EPHA6: variants seen among roughly 807,000 people sequenced by gnomAD.
EPHA6 encodes ephrin type-A receptor 6.
Under a neutral mutation model 112.0 loss-of-function variants are expected in EPHA6, and 50 were observed. That is an observed-to-expected ratio of 0.45 (90% CI 0.36 to 0.56). The LOEUF is 0.56. Ranked by LOEUF, EPHA6 falls within the 20% of genes least tolerant of loss-of-function variation. The pLI is 0.00. For synonymous variants in EPHA6, 529 were observed against 490.7 expected (o/e 1.08, Z -1.03); for missense variants, 1,280 against 1,417.4 (o/e 0.90, Z 1.56).
intron 5 of EPHA6, among the ~76,000 whole-genome samples, chr3:97,333,694 G>T (rs573891716): frequency 6.6e-6 from 1 of 151,678 alleles, no homozygotes. Context: ...GCTTAGGCTG[G>T]TCTTAAACTC....
intron 3 of EPHA6, among the ~76,000 whole-genome samples, chr3:97,219,459 C>T (rs915903546): frequency 6.6e-6 from 1 of 152,208 alleles, no homozygotes; most frequent in African/African-American, 2.4e-5. Context: ...GTCTTCTGTG[C>T]ACCTGAAGGC....
At chr3:96,838,913 TTAAC>T (rs1301176972) in intron 1 of EPHA6, among the ~76,000 whole-genome samples, 2 of 152,104 alleles carry the variant, frequency 1.3e-5, no homozygotes, top group Non-Finnish European at 2.9e-5. Context: ...GCTTTTCACT[TTAAC>T]TAGTGGTCAT....
rs1363599206 is a variant in EPHA6 at position 97,386,168 on chromosome 3, G to A, written c.1607-18982G>A. 2.0e-5 allele frequency among the ~76,000 whole-genome samples: 3 copies of A among 152,114 alleles called. No individual in the cohort carries two copies. The East Asian group carries it at 5.8e-4, about 29-fold the overall frequency. ...GACAAAGTAGCTCCCTTCCACCTATGAGCCTGAGAAATAAAAAAAGTCTTA... is the reference window on the plus strand; with the variant it reads ...GACAAAGTAGCTCCCTTCCACCTATAAGCCTGAGAAATAAAAAAAGTCTTA... On this transcript the variant is annotated intron_variant, in intron 5 of 17. Coordinates refer to ENST00000389672, the MANE Select transcript of EPHA6 (RefSeq NM_001080448.3).
At chr3:97,190,036 AC>A (rs1429430553) in intron 3 of EPHA6, among the ~76,000 whole-genome samples, 1 of 152,052 alleles carries the variant, frequency 6.6e-6, no homozygotes, top group Admixed American at 6.6e-5. Flanking sequence ...CTGACTCAGC[AC>A]TATCTATAAG....
At chr3:96,827,626 A>G (rs755285671) in intron 1 of EPHA6, among the ~76,000 whole-genome samples, 2 of 152,164 alleles carry the variant, frequency 1.3e-5, no homozygotes, top group Non-Finnish European at 2.9e-5. Context: ...TTATGAATTT[A>G]AATTCAAGAC....
At chr3:97,043,746 T>G (rs2045401739) in intron 3 of EPHA6, among the ~76,000 whole-genome samples, 1 of 152,168 alleles carries the variant, frequency 6.6e-6, no homozygotes, top group Non-Finnish European at 1.5e-5. Context: ...CCAAAATATT[T>G]ATTTTAAGAT....
intron 6 of EPHA6, among the ~76,000 whole-genome samples, chr3:97,425,389 C>A (rs1197593766): frequency 6.6e-6 from 1 of 152,256 alleles, no homozygotes; most frequent in African/African-American, 2.4e-5. Flanking sequence ...TGTGCACCTG[C>A]AGGCTCAACA....
intron 2 of EPHA6, among the ~76,000 whole-genome samples, chr3:96,946,498 A>G (rs527364725): frequency 2.0e-5 from 3 of 152,314 alleles, no homozygotes; most frequent in Admixed American, 2.0e-4. Flanking sequence ...TACAAAGGAC[A>G]TGAACTCATC....
chr3:96,886,435 T>G (rs2037629179), intron 2 of EPHA6, among the ~76,000 whole-genome samples: 1 of 152,210 alleles, frequency 6.6e-6, no homozygotes, highest in Non-Finnish European at 1.5e-5. Context: ...AATGTCCCTC[T>G]TTGTCTCTTT....
chr3:97,120,859 G>A (rs563033611), intron 3 of EPHA6, among the ~76,000 whole-genome samples: 3 of 151,812 alleles, frequency 2.0e-5, no homozygotes, highest in South Asian at 4.2e-4. Flanking sequence ...ATGTTATAGT[G>A]TAAATAAAAT....
At chr3:96,961,594 A>C (rs2041950619) in intron 2 of EPHA6, among the ~76,000 whole-genome samples, 2 of 152,166 alleles carry the variant, frequency 1.3e-5, no homozygotes, top group Admixed American at 6.5e-5. Context: ...TAGAAGAATA[A>C]CTTTCTCCAA....
rs563408749 is a variant in EPHA6, at chr3:97,251,860, G to A, written c.1606+7573G>A. The stretch of plus-strand genomic sequence containing the variant: ...GAGCCATAAAAGGTACTAAAATACA[G>A]TGCTCTTTCTTTCAGTGATTTTTCT... On this transcript the variant is annotated intron_variant, in intron 5 of 17. Transcript: ENST00000389672. Among the ~76,000 whole-genome samples, 4 of 152,272 alleles carry A rather than the reference G, an allele frequency of 2.6e-5. No individual in the cohort carries two copies. In the East Asian group the frequency reaches 7.7e-4, roughly 29 times the overall value.
At chr3:96,834,691 T>C (rs1182493643) in intron 1 of EPHA6, among the ~76,000 whole-genome samples, 1 of 152,006 alleles carries the variant, frequency 6.6e-6, no homozygotes, top group Non-Finnish European at 1.5e-5. Flanking sequence ...GTAAGGTACT[T>C]GATTTGTGTC....
chr3:97,199,786 A>G (rs1467562255), intron 3 of EPHA6, among the ~76,000 whole-genome samples: 1 of 152,182 alleles, frequency 6.6e-6, no homozygotes, highest in African/African-American at 2.4e-5. Flanking sequence ...ACAGATATTA[A>G]CATATTGTTT....
chr3:97,211,729 C>A (rs746623216), intron 3 of EPHA6, among the ~76,000 whole-genome samples: 1 of 152,164 alleles, frequency 6.6e-6, no homozygotes, highest in Non-Finnish European at 1.5e-5. Flanking sequence ...GGGGCATACA[C>A]ACACTCAGTC....
chr3:97,719,328 T>C (rs2034408480), intron 14 of EPHA6, among the ~76,000 whole-genome samples: 1 of 152,008 alleles, frequency 6.6e-6, no homozygotes, highest in South Asian at 2.1e-4. Context: ...ATTTTTGTTA[T>C]GAACCTAAGC....
Position 97,279,023 on chromosome 3 carries a change from G to A in EPHA6, c.1606+34736G>A, listed in dbSNP as rs540985351. ...GTAGAAGGGGTGAAAGACTGTGAAC[G>A]TGAGACAGCTTTTCACAACAATTAT... is the stretch of plus-strand genomic sequence containing the variant. On this transcript the variant is annotated intron_variant, in intron 5 of 17. Coordinates refer to ENST00000389672, the MANE Select transcript of EPHA6 (RefSeq NM_001080448.3). Among the ~76,000 whole-genome samples, 4 of 152,322 alleles carry A rather than the reference G, an allele frequency of 2.6e-5. No individual in the cohort carries two copies. In the South Asian group the frequency reaches 6.2e-4, roughly 24 times the overall value.
intron 5 of EPHA6, among the ~76,000 whole-genome samples, chr3:97,371,019 G>T (rs1368611868): frequency 6.6e-6 from 1 of 151,652 alleles, no homozygotes; most frequent in Non-Finnish European, 1.5e-5. Flanking sequence ...GGGAGATGAA[G>T]AGCCTGGTCC....
chr3:97,666,916 T>G (rs1215904146), intron 14 of EPHA6, among the ~76,000 whole-genome samples: 2 of 152,190 alleles, frequency 1.3e-5, no homozygotes, highest in African/African-American at 4.8e-5. Flanking sequence ...GAACTGTCAT[T>G]TCTCTTTGGA....
Sources: allele counts gnomAD v4.1 joint callset (sites outside exome capture counted in the v4.1 genomes callset), GRCh38; gene constraint gnomAD v4.1.1; transcripts MANE v1.5; gene names NCBI Gene and HGNC (gene_info 2026-07-23, HGNC 2026-07-21).